GRIA3: variants seen among roughly 807,000 people sequenced by gnomAD.
GRIA3 encodes glutamate receptor 3.
GRIA3 carries 3 observed loss-of-function variants against 63.0 expected under a neutral mutation model. The ratio of observed to expected loss-of-function variants is 0.05; its 90% CI spans 0.02 to 0.12. GRIA3 has a LOEUF of 0.12. Ranked by LOEUF, GRIA3 falls within the 10% of genes least tolerant of loss-of-function variation. The pLI is 1.00. For missense variants in GRIA3, 347 were observed against 700.9 expected (o/e 0.50, Z 5.70); for synonymous variants, 274 against 257.9 (o/e 1.06, Z -0.60).
intron 5 of GRIA3, among the ~76,000 whole-genome samples, chrX:123,382,829 C>T (rs1171593202): frequency 8.9e-6 from 1 of 112,048 alleles, no homozygotes; most frequent in Admixed American, 9.4e-5. Context: ...TTCTACATTG[C>T]CATTTTAACA....
intron 2 of GRIA3, among the ~76,000 whole-genome samples, chrX:123,242,081 G>C (rs886516254): frequency 9.0e-6 from 1 of 111,247 alleles, no homozygotes; most frequent in Non-Finnish European, 1.9e-5. Flanking sequence ...ACAACATTAA[G>C]AATGTGATGC....
At chrX:123,209,553 G>A (rs1927983521) in intron 2 of GRIA3, among the ~76,000 whole-genome samples, 1 of 111,769 alleles carries the variant, frequency 8.9e-6, no homozygotes, top group African/African-American at 3.3e-5. Context: ...TCAAGCAACT[G>A]AAATGCCCAC....
intron 2 of GRIA3, among the ~76,000 whole-genome samples, chrX:123,202,134 A>C (rs765998878): frequency 4.4e-4 from 50 of 112,586 alleles, no homozygotes; most frequent in Non-Finnish European, 1.3e-4. Flanking sequence ...GCTGGCATGC[A>C]TACAGCCCAC....
At chrX:123,299,074 C>T (rs1352667127) in intron 3 of GRIA3, among the ~76,000 whole-genome samples, 1 of 110,504 alleles carries the variant, frequency 9.0e-6, no homozygotes, top group African/African-American at 3.3e-5. Context: ...TATTCTGTTC[C>T]ATTGGTCAAT....
intron 2 of GRIA3, among the ~76,000 whole-genome samples, chrX:123,195,708 T>C (rs1927557582): frequency 8.9e-6 from 1 of 111,821 alleles, no homozygotes; most frequent in Non-Finnish European, 1.9e-5. Context: ...TGCACTATAC[T>C]ATATACCTCC....
intron 4 of GRIA3, among the ~76,000 whole-genome samples, chrX:123,332,411 A>G (rs1424405187): frequency 8.9e-6 from 1 of 111,813 alleles, no homozygotes; most frequent in Non-Finnish European, 1.9e-5. Context: ...TATATCTCAT[A>G]TGAGTTAATC....
At chrX:123,452,004 G>T (rs1434749872) in intron 12 of GRIA3, among the ~76,000 whole-genome samples, 1 of 111,685 alleles carries the variant, frequency 9.0e-6, no homozygotes, top group Non-Finnish European at 1.9e-5. Flanking sequence ...GGTTTCACAA[G>T]GTTGTTTTAA....
intron 4 of GRIA3, among the ~76,000 whole-genome samples, chrX:123,328,111 G>T (rs1367017953): frequency 9.0e-6 from 1 of 111,345 alleles, no homozygotes; most frequent in East Asian, 2.8e-4. Flanking sequence ...GGATTTTTCA[G>T]CATTATGTAA....
intron 6 of GRIA3, among the ~76,000 whole-genome samples, chrX:123,396,881 G>T (rs1211016763): frequency 8.9e-6 from 1 of 112,023 alleles, no homozygotes; most frequent in Non-Finnish European, 1.9e-5. Context: ...ATGATCTTTA[G>T]ATTTACCAGG....
At chrX:123,401,133 C>G (rs748493974) in intron 7 of GRIA3, among the ~76,000 whole-genome samples, 1 of 111,511 alleles carries the variant, frequency 9.0e-6, no homozygotes, top group Non-Finnish European at 1.9e-5. Context: ...AGACGGGATG[C>G]GGGGAAACTG....
At chrX:123,272,272 G>A (rs764244956) in intron 3 of GRIA3, among the ~76,000 whole-genome samples, 1 of 111,804 alleles carries the variant, frequency 8.9e-6, no homozygotes, top group East Asian at 2.8e-4. Context: ...AAACTGCTCT[G>A]TTCCCTTTTC....
intron 2 of GRIA3, among the ~76,000 whole-genome samples, chrX:123,199,783 G>A (rs1019170197): frequency 1.8e-4 from 20 of 111,532 alleles, no homozygotes; most frequent in Non-Finnish European, 2.8e-4. Context: ...ACAATTAATC[G>A]TATCTACCAT....
intron 12 of GRIA3, among the ~76,000 whole-genome samples, chrX:123,437,010 AG>A (rs1200037783): frequency 1.8e-5 from 2 of 109,950 alleles, no homozygotes; most frequent in African/African-American, 6.6e-5. Context: ...TCAACTAACA[AG>A]GACAATTAAC....
chrX:123,339,732 A>C (rs190632796), intron 4 of GRIA3, among the ~76,000 whole-genome samples: 1 of 112,625 alleles, frequency 8.9e-6, no homozygotes, highest in East Asian at 2.8e-4. Context: ...CTTATGTGTC[A>C]GCATGAACGC....
intron 2 of GRIA3, chrX:123,202,742 A>G: frequency 8.6e-7 from 1 of 1,166,572 alleles, no homozygotes; most frequent in African/African-American, 1.8e-5. Flanking sequence ...TAAAATGTTC[A>G]CCAGGTGGGG....
chrX:123,379,628 T>G (rs1310922768), intron 5 of GRIA3, among the ~76,000 whole-genome samples: 40 of 106,852 alleles, frequency 3.7e-4, no homozygotes, highest in Non-Finnish European at 7.3e-4. Flanking sequence ...TTGTTTTTTT[T>G]TTTTTTTTTT....
chrX:123,248,965 T>A (rs1017106546), intron 2 of GRIA3, among the ~76,000 whole-genome samples: 29 of 111,890 alleles, frequency 2.6e-4, no homozygotes, highest in Non-Finnish European at 4.5e-4. Flanking sequence ...GGCAGATGAA[T>A]CATGGGAAAC....
chrX:123,421,069 T>C (rs1364209798), intron 11 of GRIA3, among the ~76,000 whole-genome samples: 2 of 110,865 alleles, frequency 1.8e-5, no homozygotes, highest in African/African-American at 6.5e-5. Context: ...TTAATTCTGG[T>C]TACAATTCAA....
At chrX:123,348,797 C>T (rs897045023) in intron 4 of GRIA3, among the ~76,000 whole-genome samples, 2 of 112,026 alleles carry the variant, frequency 1.8e-5, no homozygotes, top group Admixed American at 9.5e-5. Flanking sequence ...TGCTACCTTC[C>T]GAACTCTGTC....
Sources: allele counts gnomAD v4.1 joint callset (sites outside exome capture counted in the v4.1 genomes callset), GRCh38; gene constraint gnomAD v4.1.1; transcripts MANE v1.5; gene names NCBI Gene and HGNC (gene_info 2026-07-23, HGNC 2026-07-21).